Variants in GOPC observed in about 807,000 individuals in gnomAD.
The protein encoded by GOPC is Golgi-associated PDZ and coiled-coil motif-containing protein.
Under a neutral mutation model 51.2 loss-of-function variants are expected in GOPC, and 32 were observed. The observed-to-expected ratio is 0.63, with a 90% CI of 0.47 to 0.84. GOPC has a LOEUF of 0.84. Among genes scored for constraint, GOPC ranks in the 40% least tolerant of loss-of-function variants. GOPC has a pLI of 0.00. For missense variants in GOPC, 441 were observed against 555.5 expected (o/e 0.79, Z 2.07); for synonymous variants, 190 against 205.1 (o/e 0.93, Z 0.63).
At chr6:117,586,360 T>G (rs1157874093) in intron 1 of GOPC, among the ~76,000 whole-genome samples, 1 of 152,054 alleles carries the variant, frequency 6.6e-6, no homozygotes, top group African/African-American at 2.4e-5. Flanking sequence ...AATAAGAGAA[T>G]CTTTACAGAT....
chr6:117,578,973 A>G lies in GOPC; in HGVS notation c.377T>C (p.Leu126Pro), dbSNP rs1264718758. Reference sequence around the variant, plus strand: ...ATGAAGCTGCAGCTGAATAGAGTGCAGCTGTAAAAGCTGATCATGTACTTC... The same window carrying G: ...ATGAAGCTGCAGCTGAATAGAGTGCGGCTGTAAAAGCTGATCATGTACTTC... The part of the protein sequence containing the change: ...EKEVHDQLLQ[L>P]HSIQLQLHAK... The change falls in exon 2 of 9, where the codon CTG (leucine) becomes CCG (proline). Residue 126 changes from leucine to proline, a missense_variant. By Grantham distance (98) the Leu-to-Pro change is moderately conservative. Around this residue, in one of 3 missense-constraint regions of GOPC, gnomAD observed 204 missense variants for 219.8 expected, o/e 0.93. Transcript: ENST00000368498. The G allele has an allele frequency of 6.2e-7, 1 of 1,612,542 alleles. No individual in the cohort carries two copies. Among genetic ancestry groups the G allele is most frequent in the Non-Finnish European group, 8.5e-7 (1 of 1,179,342 alleles).
chr6:117,575,723 T>A (rs1307535188), intron 3 of GOPC, among the ~76,000 whole-genome samples: 1 of 152,144 alleles, frequency 6.6e-6, no homozygotes, highest in African/African-American at 2.4e-5. Context: ...TATTTATAGA[T>A]CAAAAAAACC....
At chr6:117,584,427 C>T (rs978154898) in intron 1 of GOPC, among the ~76,000 whole-genome samples, 10 of 152,158 alleles carry the variant, frequency 6.6e-5, no homozygotes, top group Admixed American at 5.2e-4. Context: ...CCCACATTTC[C>T]CTTTTTAGGT....
chr6:117,576,178 C>T (rs964857881), intron 3 of GOPC, among the ~76,000 whole-genome samples: 5 of 152,058 alleles, frequency 3.3e-5, no homozygotes, highest in South Asian at 2.1e-4. Flanking sequence ...TACACACACA[C>T]ATACAAGCTA....
intron 1 of GOPC, among the ~76,000 whole-genome samples, chr6:117,585,693 A>G (rs1052355643): frequency 3.9e-5 from 6 of 152,240 alleles, no homozygotes; most frequent in Admixed American, 6.5e-5. Context: ...ATATTCCCCA[A>G]ATATCAGAAC....
At chr6:117,591,848 A>T (rs1478113013) in intron 1 of GOPC, among the ~76,000 whole-genome samples, 2 of 152,198 alleles carry the variant, frequency 1.3e-5, no homozygotes, top group Non-Finnish European at 2.9e-5. Flanking sequence ...TTTTAAATAC[A>T]AACCACTAGT....
chr6:117,569,753 G>A lies in GOPC; in HGVS notation c.913-17C>T. On this transcript the variant is annotated splice_polypyrimidine_tract_variant and intron_variant, in intron 6 of 8. Coordinates refer to ENST00000368498, the MANE Select transcript of GOPC (RefSeq NM_020399.4). ...TTTCCCACCCTAACAACAACAAAGG[G>A]CAGTAAATTAAAGTACTCTTTGTAA... 6.4e-7 allele frequency: 1 copy of A among 1,558,228 alleles called. No individual in the cohort carries two copies. Among genetic ancestry groups the A allele is most frequent in the Non-Finnish European group, 8.6e-7 (1 of 1,158,454 alleles).
chr6:117,576,479 CT>C (rs1265239491), intron 3 of GOPC, among the ~76,000 whole-genome samples: 1 of 152,008 alleles, frequency 6.6e-6, no homozygotes, highest in Non-Finnish European at 1.5e-5. Context: ...AAAAATCTTT[CT>C]TATGACATGT....
chr6:117,584,370 A>G (rs1370245550), intron 1 of GOPC, among the ~76,000 whole-genome samples: 3 of 152,228 alleles, frequency 2.0e-5, no homozygotes, highest in African/African-American at 7.2e-5. Context: ...ACTAGTTGCA[A>G]GTCTATGCTT....
intron 1 of GOPC, among the ~76,000 whole-genome samples, chr6:117,580,152 C>T (rs1779937106): frequency 6.6e-6 from 1 of 152,006 alleles, no homozygotes; most frequent in Non-Finnish European, 1.5e-5. Context: ...GGCAAAGTGG[C>T]AGAGAGACTA....
chr6:117,594,348 T>C (rs1158122585), intron 1 of GOPC, among the ~76,000 whole-genome samples: 1 of 152,188 alleles, frequency 6.6e-6, no homozygotes, highest in Non-Finnish European at 1.5e-5. Flanking sequence ...CATAATTCCT[T>C]TATGTCTTAG....
chr6:117,602,141 G>A lies in GOPC; in HGVS notation c.148C>T (p.Leu50=). The part of the protein sequence containing the change: ...EFDKAFVDVD[L]LLGEIDPDQA... ...TCTGGATCGATCTCTCCCAGGAGCA[G>A]ATCCACATCCACAAAAGCTTTGTCG... Residue 50 remains leucine (L), a synonymous_variant, in exon 1 of 9, where the codon CTG becomes TTG. Transcript: ENST00000368498. 1 of 1,614,104 alleles carries A rather than the reference G, an allele frequency of 6.2e-7. No individual in the cohort carries two copies. The highest frequency in any genetic ancestry group is 8.5e-7 in the Non-Finnish European group (1 of 1,180,016).
At chr6:117,569,425 G>A (rs992222260) in intron 7 of GOPC, 147 bp downstream of exon 7, 21 of 1,107,016 alleles carry the variant, frequency 1.9e-5, no homozygotes, top group Non-Finnish European at 2.6e-5. Context: ...CTGACTGAAT[G>A]TCAGCTATAA....
rs147033047 is a variant in GOPC, at chr6:117,578,983, G to C, written c.367C>G (p.Leu123Val). The change falls in exon 2 of 9, where the codon CTT becomes GTT. Residue 123 changes from leucine to valine, a missense_variant. By Grantham distance (32) the Leu-to-Val change is conservative (BLOSUM62 1). Around this residue, in one of 3 missense-constraint regions of GOPC, gnomAD observed 204 missense variants for 219.8 expected, o/e 0.93. Coordinates refer to ENST00000368498, the MANE Select transcript of GOPC (RefSeq NM_020399.4). ...VVLEKEVHDQ[L>V]LQLHSIQLQL... ...AGCTGAATAGAGTGCAGCTGTAAAA[G>C]CTGATCATGTACTTCTTTCTCCAAA... 82 of 1,612,620 alleles carry C rather than the reference G, an allele frequency of 5.1e-5. No homozygotes were observed. The African/African-American group carries it at 9.5e-4, about 19-fold the overall frequency.
At chr6:117,579,701 A>G (rs939855913) in intron 1 of GOPC, among the ~76,000 whole-genome samples, 3 of 152,106 alleles carry the variant, frequency 2.0e-5, no homozygotes, top group Middle Eastern at 3.2e-3. Flanking sequence ...TTGTTTTACA[A>G]TTGTGCACAG....
intron 1 of GOPC, among the ~76,000 whole-genome samples, chr6:117,601,369 A>G (rs1772007292): frequency 6.6e-6 from 1 of 152,220 alleles, no homozygotes. Flanking sequence ...ACAGTAATGT[A>G]CAAGCATATA....
intron 1 of GOPC, among the ~76,000 whole-genome samples, chr6:117,594,929 C>A (rs185411380): frequency 2.8e-4 from 43 of 152,258 alleles, no homozygotes; most frequent in Non-Finnish European, 1.5e-5. Flanking sequence ...TCTATTCCAA[C>A]ACACCTACTA....
chr6:117,566,521 A>T (rs774532051), intron 8 of GOPC, among the ~76,000 whole-genome samples: 4 of 152,200 alleles, frequency 2.6e-5, no homozygotes, highest in Non-Finnish European at 5.9e-5. Context: ...ATCAAGACAG[A>T]CAGACAATGT....
In GOPC at chr6:117,575,508, C is replaced by A. The variant is rs138320627; in HGVS notation, c.475-156G>T. ...TGGATGTAGTTCTTTTGAACTAGTACCATAACATCTTGGAACTACTTCTAG... is the reference window on the plus strand; with the variant it reads ...TGGATGTAGTTCTTTTGAACTAGTAACATAACATCTTGGAACTACTTCTAG... On this transcript the variant is annotated intron_variant, in intron 3 of 8. Transcript: ENST00000368498. 7.8e-6 allele frequency: 6 copies of A among 772,604 alleles called. No homozygotes were observed. The African/African-American group carries it at 8.4e-5, about 11-fold the overall frequency. The allele number at this position is 772,604 out of a possible 1,614,324, so 47.9% of individuals were successfully genotyped here.
Sources: allele counts gnomAD v4.1 joint callset (sites outside exome capture counted in the v4.1 genomes callset), GRCh38; gene constraint gnomAD v4.1.1; regional missense constraint gnomAD v4.1.1; transcripts MANE v1.5; gene names NCBI Gene and HGNC (gene_info 2026-07-23, HGNC 2026-07-21).